KIAA1549: variants seen among roughly 807,000 people sequenced by gnomAD.
KIAA1549 encodes the protein KIAA1549, also known as UPF0606 protein KIAA1549.
Under a neutral mutation model 156.4 loss-of-function variants are expected in KIAA1549, and 70 were observed. That is an observed-to-expected ratio of 0.45 (90% CI 0.37 to 0.55). The LOEUF is 0.55. Ranked by LOEUF, KIAA1549 falls within the 20% of genes least tolerant of loss-of-function variation. The probability of loss-of-function intolerance (pLI) is 0.00; values close to 1 mark genes in which losing one functional copy is unlikely to be tolerated. For missense variants in KIAA1549, 2,428 were observed against 2,540.9 expected, an observed-to-expected ratio of 0.96 and a Z score of 0.96; for synonymous variants, 1,103 against 1,066.4, an observed-to-expected ratio of 1.03 and a Z score of -0.67.
intron 1 of KIAA1549, among the ~76,000 whole-genome samples, chr7:138,926,516 C>T (rs1346322292): frequency 6.6e-6 from 1 of 152,064 alleles, no homozygotes; most frequent in Non-Finnish European, 1.5e-5. Flanking sequence ...AACTCCCGAC[C>T]TCAAGTGATC....
At position 138,871,129 on chromosome 7, in the gene KIAA1549, T is replaced by A. The variant is rs371055429; in HGVS notation, c.4551+28A>T. The A allele has an allele frequency of 4.6e-5, 74 of 1,600,892 alleles. No individual in the cohort carries two copies. The East Asian group carries it at 1.5e-3, about 33-fold the overall frequency. On this transcript the variant is annotated intron_variant, in intron 13 of 19. Transcript: ENST00000422774. ...ACCGGGCTTAGCCGAGTTTTTTAAG[T>A]AACAGACTTTTAAATAAAAGCAAAT... is the stretch of plus-strand genomic sequence containing the variant.
chr7:138,840,318 A>G (rs756457732), intron 18 of KIAA1549, 40 bp from the exon 19 acceptor site: 1 of 1,579,830 alleles, frequency 6.3e-7, no homozygotes, highest in East Asian at 2.3e-5. Flanking sequence ...CAACATTTAT[A>G]GGAGAGTATG....
chr7:138,917,967 C>A lies in KIAA1549; in HGVS notation c.1659G>T (p.Val553=). 6.3e-7 allele frequency: 1 copy of A among 1,591,658 alleles called. No individual in the cohort carries two copies. The highest frequency in any genetic ancestry group is 1.1e-5 in the South Asian group (1 of 87,740). Residue 553 remains valine (V), a synonymous_variant, in exon 2 of 20, where the codon GTG becomes GTT. Coordinates refer to ENST00000422774, the MANE Select transcript of KIAA1549 (RefSeq NM_001164665.2). The part of the protein sequence containing the change: ...VAETQVTPSS[V]TTAFFSVITS... Reference sequence around the variant, plus strand: ...TGATGACCGAGAAAAATGCAGTGGTCACGCTGGATGGCGTCACTTGGGTTT... The same window carrying A: ...TGATGACCGAGAAAAATGCAGTGGTAACGCTGGATGGCGTCACTTGGGTTT...
intron 17 of KIAA1549, among the ~76,000 whole-genome samples, chr7:138,847,023 T>C (rs1810097977): frequency 6.6e-6 from 1 of 152,178 alleles, no homozygotes; most frequent in Non-Finnish European, 1.5e-5. Flanking sequence ...GGCATGCTCC[T>C]CCTTCAAGAA....
chr7:138,898,847 G>C, intron 9 of KIAA1549, 108 bp downstream of exon 9: 1 of 936,248 alleles, frequency 1.1e-6, no homozygotes, highest in Non-Finnish European at 1.7e-6. Flanking sequence ...TCACCATCAG[G>C]GTTATACACA....
intron 19 of KIAA1549, among the ~76,000 whole-genome samples, chr7:138,839,748 A>C (rs1809850429): frequency 6.8e-6 from 1 of 147,678 alleles, no homozygotes; most frequent in Non-Finnish European, 1.5e-5. Flanking sequence ...CCCCCCCCAA[A>C]GCAGAAGCTG....
chr7:138,955,087 T>C (rs1813622364), intron 1 of KIAA1549, among the ~76,000 whole-genome samples: 1 of 152,270 alleles, frequency 6.6e-6, no homozygotes, highest in East Asian at 1.9e-4. Context: ...AGTGTCCTAC[T>C]ATGTGCCAGA....
intron 14 of KIAA1549, 57 bp from the exon 15 acceptor site, chr7:138,868,185 T>A: frequency 6.5e-7 from 1 of 1,542,080 alleles, no homozygotes. Context: ...GCCACTGACT[T>A]ACCAACTAAA....
chr7:138,896,297 G>T (rs138212816), intron 9 of KIAA1549, among the ~76,000 whole-genome samples: 46 of 152,276 alleles, frequency 3.0e-4, no homozygotes, highest in South Asian at 1.2e-3. Flanking sequence ...TAACAAAAAG[G>T]GTTCTTGGTG....
intron 12 of KIAA1549, among the ~76,000 whole-genome samples, chr7:138,877,950 G>A (rs961076360): frequency 7.9e-5 from 12 of 152,116 alleles, no homozygotes; most frequent in Admixed American, 3.3e-4. Context: ...GGTTTTCTCA[G>A]ATAAGCAATG....
chr7:138,918,165 G>A lies in KIAA1549; in HGVS notation c.1461C>T (p.Ser487=). 6.2e-7 allele frequency: 1 copy of A among 1,613,936 alleles called. No homozygotes were observed. The highest frequency in any genetic ancestry group is 8.5e-7 in the Non-Finnish European group (1 of 1,179,822). The change falls in exon 2 of 20, where the codon TCC becomes TCT. Residue 487 remains serine (S), a synonymous_variant. Coordinates refer to ENST00000422774, the MANE Select transcript of KIAA1549 (RefSeq NM_001164665.2). The surrounding 1 kb of genome is among the most constrained non-coding windows in gnomAD (Gnocchi z 4.2). ...DPQVFNTLFP[S]RPIVPLSSRS... ...TAGAAGAAAGTGGGACGATAGGTCT[G>A]GAGGGGAAAAGCGTATTAAATACTT... is the stretch of plus-strand genomic sequence containing the variant.
chr7:138,923,350 C>T (rs1050827595), intron 1 of KIAA1549, among the ~76,000 whole-genome samples: 6 of 152,206 alleles, frequency 3.9e-5, no homozygotes, highest in Non-Finnish European at 8.8e-5. Flanking sequence ...CCTGTAATCC[C>T]AGCACTTTGG....
At chr7:138,853,027 G>C (rs1810279140) in intron 16 of KIAA1549, among the ~76,000 whole-genome samples, 1 of 152,206 alleles carries the variant, frequency 6.6e-6, no homozygotes, top group South Asian at 2.1e-4. Flanking sequence ...TGTATTCCTG[G>C]TGAAATCAAT....
intron 1 of KIAA1549, among the ~76,000 whole-genome samples, chr7:138,951,483 T>A (rs1813498051): frequency 6.6e-6 from 1 of 152,198 alleles, no homozygotes; most frequent in Non-Finnish European, 1.5e-5. Flanking sequence ...CCGCACGTTC[T>A]CTCTGAATGG....
At chr7:138,935,305 G>C (rs750494051) in intron 1 of KIAA1549, among the ~76,000 whole-genome samples, 34 of 152,172 alleles carry the variant, frequency 2.2e-4, no homozygotes, top group Non-Finnish European at 4.0e-4. Context: ...TAAAATGTTG[G>C]TTTAATTGAA....
intron 1 of KIAA1549, among the ~76,000 whole-genome samples, chr7:138,972,350 C>T (rs535919153): frequency 6.6e-6 from 1 of 150,560 alleles, no homozygotes; most frequent in Non-Finnish European, 1.5e-5. Context: ...CACAATGACA[C>T]CCCAATCCCT....
rs1055295008 is a variant in KIAA1549 at position 138,979,016 on chromosome 7, G to C, written c.187+2067C>G. On this transcript the variant is annotated intron_variant, in intron 1 of 19. Coordinates refer to ENST00000422774, the MANE Select transcript of KIAA1549 (RefSeq NM_001164665.2). ...AATCCTGCCTTTCCTGTCCGGGAAT[G>C]GTCTGTGCAAGGGTTTGTACTTCCT... Among the ~76,000 whole-genome samples, 10 of 152,336 alleles carry C rather than the reference G, an allele frequency of 6.6e-5. No homozygotes were observed. The East Asian group carries it at 1.5e-3, about 23-fold the overall frequency.
chr7:138,905,714 T>C, intron 6 of KIAA1549, among the ~76,000 whole-genome samples: 1 of 152,246 alleles, frequency 6.6e-6, no homozygotes, highest in Non-Finnish European at 1.5e-5. Flanking sequence ...ACTATTTTTT[T>C]TTTTTAAATA....
At chr7:138,881,713 TG>T in intron 10 of KIAA1549, 129 bp from the exon 11 acceptor site, 2 of 749,352 alleles carry the variant, frequency 2.7e-6, no homozygotes, top group Non-Finnish European at 4.3e-6. Context: ...CGCTAGAACA[TG>T]GACTGCATGC....
Sources: allele counts gnomAD v4.1 joint callset (sites outside exome capture counted in the v4.1 genomes callset), GRCh38; gene constraint gnomAD v4.1.1; non-coding constraint Gnocchi (gnomAD v3.1); transcripts MANE v1.5; gene names NCBI Gene and HGNC (gene_info 2026-07-23, HGNC 2026-07-21).